ANK2: variants seen among roughly 807,000 people sequenced by gnomAD.
ANK2 encodes the protein ankyrin 2.
In ANK2, 83 loss-of-function variants were observed where a neutral mutation model predicts 360.5. That is an observed-to-expected ratio of 0.23 (90% confidence interval 0.19 to 0.28). The LOEUF (loss-of-function observed/expected upper bound fraction) is 0.28, where lower values mean the gene tolerates loss of function less well. Among genes scored for constraint, ANK2 ranks in the 10% least tolerant of loss-of-function variants. ANK2 has a pLI of 1.00. For missense variants in ANK2, 4,201 were observed against 4,795.7 expected (o/e 0.88, Z 3.66); for synonymous variants, 1,740 against 1,759.5 (o/e 0.99, Z 0.28).
chr4:113,327,917 A>G (rs2090849235), intron 26 of ANK2, among the ~76,000 whole-genome samples: 1 of 152,232 alleles, frequency 6.6e-6, no homozygotes, highest in Admixed American at 6.5e-5. Context: ...TTCAAGAGAC[A>G]CAGTCAATGA....
chr4:112,884,233 A>C (rs575267698), intron 1 of ANK2, among the ~76,000 whole-genome samples: 5 of 152,322 alleles, frequency 3.3e-5, no homozygotes, highest in Admixed American at 6.5e-5. Context: ...GATTTAAATT[A>C]TTCTACTTTT....
Position 113,204,961 on chromosome 4 carries a change from T to C in ANK2, c.384+5852T>C, listed in dbSNP as rs190968808. Among the ~76,000 whole-genome samples, 326 of 152,130 alleles carry C rather than the reference T, an allele frequency of 2.1e-3. 8 individuals are homozygous for C. Among genetic ancestry groups the C allele is most frequent in the Non-Finnish European group, 8.8e-5 (6 of 67,980 alleles). ...TTAACATGTGTAAGACTTGGCCGGGTGCAGTGGCTCACGCCTGTAATCCCA... is the reference window on the plus strand; with the variant it reads ...TTAACATGTGTAAGACTTGGCCGGGCGCAGTGGCTCACGCCTGTAATCCCA... On this transcript the variant is annotated intron_variant, in intron 4 of 45. Transcript: ENST00000357077.
chr4:112,987,151 A>G (rs1473462350), intron 2 of ANK2, among the ~76,000 whole-genome samples: 1 of 152,198 alleles, frequency 6.6e-6, no homozygotes, highest in East Asian at 1.9e-4. Flanking sequence ...AATAATTTCA[A>G]AATATTGCAT....
At chr4:113,322,012 G>A (rs887866938) in intron 26 of ANK2, among the ~76,000 whole-genome samples, 3 of 152,144 alleles carry the variant, frequency 2.0e-5, no homozygotes, top group Admixed American at 6.6e-5. Context: ...GTTTATAGGC[G>A]TGAACCACCG....
chr4:112,957,708 C>G (rs1243698910), intron 2 of ANK2, among the ~76,000 whole-genome samples: 3 of 151,200 alleles, frequency 2.0e-5, no homozygotes, highest in Non-Finnish European at 4.4e-5. Flanking sequence ...CCCCCCACCT[C>G]CCTCCCGGAC....
At chr4:112,796,736 G>A in the ANK2 span, among the ~76,000 whole-genome samples, 1 of 150,454 alleles carries the variant, frequency 6.6e-6, no homozygotes, top group African/African-American at 2.5e-5. Context: ...ATACAACAAA[G>A]GCCTGTTGTA....
chr4:113,018,867 A>G (rs1204956258), intron 2 of ANK2, among the ~76,000 whole-genome samples: 1 of 152,202 alleles, frequency 6.6e-6, no homozygotes, highest in Non-Finnish European at 1.5e-5. Context: ...TCTTGCAACA[A>G]TATCAATTTC....
At chr4:113,293,308 T>TAA (rs758298873) in intron 21 of ANK2, 132 bp from the exon 22 acceptor site, 1 of 795,326 alleles carries the variant, frequency 1.3e-6, no homozygotes, top group Non-Finnish European at 2.1e-6. Flanking sequence ...TGGTAAAAAC[T>TAA]AGTGATTTTC....
intron 2 of ANK2, among the ~76,000 whole-genome samples, chr4:112,955,727 A>G (rs2095300500): frequency 6.6e-6 from 1 of 152,206 alleles, no homozygotes; most frequent in African/African-American, 2.4e-5. Flanking sequence ...TGTTATGCAT[A>G]TAATTACCAA....
intron 2 of ANK2, among the ~76,000 whole-genome samples, chr4:112,932,266 C>T (rs527762376): frequency 1.3e-5 from 2 of 151,964 alleles, no homozygotes; most frequent in African/African-American, 2.4e-5. Context: ...CTGAGGTGGG[C>T]GGATCACCTG....
intron 2 of ANK2, among the ~76,000 whole-genome samples, chr4:112,973,844 C>A (rs970268577): frequency 6.6e-6 from 1 of 152,148 alleles, no homozygotes; most frequent in African/African-American, 2.4e-5. Context: ...AGGGGTTAGC[C>A]ACAGTCCATC....
chr4:113,174,299 T>C (rs2098110149), intron 1 of ANK2, 117 bp from the exon 2 acceptor site: 3 of 784,116 alleles, frequency 3.8e-6, no homozygotes, highest in East Asian at 3.0e-5. Flanking sequence ...CTCCGTATTA[T>C]TGAAATTTTT....
chr4:113,134,400 T>C (rs754562044), intron 1 of ANK2, among the ~76,000 whole-genome samples: 1 of 148,624 alleles, frequency 6.7e-6, no homozygotes, highest in Non-Finnish European at 1.5e-5. Flanking sequence ...ATACGAAAAG[T>C]TGGGGAGTGC....
intron 26 of ANK2, among the ~76,000 whole-genome samples, chr4:113,324,627 G>T (rs78567294): frequency 6.6e-6 from 1 of 152,204 alleles, no homozygotes; most frequent in Non-Finnish European, 1.5e-5. Context: ...TTTTTTCAAA[G>T]CCATATCCAA....
At chr4:113,317,671 G>T in intron 24 of ANK2, 36 bp from the exon 25 acceptor site, 1 of 1,520,506 alleles carries the variant, frequency 6.6e-7, no homozygotes. Flanking sequence ...TGCTACTGCT[G>T]TTGGTATATG....
At chr4:112,977,570 AT>A (rs796866393) in intron 2 of ANK2, among the ~76,000 whole-genome samples, 88 of 147,604 alleles carry the variant, frequency 6.0e-4, no homozygotes, top group Admixed American at 7.5e-4. Flanking sequence ...TTTTTATTTT[AT>A]TTTTTTTTTT....
At chr4:113,142,745 T>A (rs2096679734) in intron 1 of ANK2, among the ~76,000 whole-genome samples, 1 of 151,498 alleles carries the variant, frequency 6.6e-6, no homozygotes, top group South Asian at 2.1e-4. Context: ...AAGAGGGGGG[T>A]AGAAGAAAAC....
intron 2 of ANK2, among the ~76,000 whole-genome samples, chr4:113,008,854 C>G (rs373269411): frequency 1.3e-5 from 2 of 152,028 alleles, no homozygotes; most frequent in Non-Finnish European, 1.5e-5. Context: ...GTCCAGCTGT[C>G]CCACAGACTC....
At position 113,354,310 on chromosome 4, in the gene ANK2, A is replaced by C. The variant is rs767662891; in HGVS notation, c.5692A>C (p.Thr1898Pro). 1 of 1,614,138 alleles carries C rather than the reference A, an allele frequency of 6.2e-7. No homozygotes were observed. Among genetic ancestry groups the C allele is most frequent in the Non-Finnish European group, 8.5e-7 (1 of 1,180,008 alleles). Residue 1898 changes from threonine to proline, a missense_variant, in exon 38 of 46, where the codon ACA (threonine) becomes CCA (proline). Coordinates refer to ENST00000357077, the MANE Select transcript of ANK2 (RefSeq NM_001148.6). ...ERHSPVSSTK[T>P]ERHPPVSPSG... Reference sequence around the variant, plus strand: ...GCACTCTCCTGTGTCATCTACAAAAACAGAAAGACACCCACCTGTTTCGCC... The same window carrying C: ...GCACTCTCCTGTGTCATCTACAAAACCAGAAAGACACCCACCTGTTTCGCC...
Sources: allele counts gnomAD v4.1 joint callset (sites outside exome capture counted in the v4.1 genomes callset), GRCh38; gene constraint gnomAD v4.1.1; transcripts MANE v1.5; gene names NCBI Gene and HGNC (gene_info 2026-07-23, HGNC 2026-07-21).